TNS1: variants seen among roughly 807,000 people sequenced by gnomAD.
TNS1 encodes the protein tensin 1, also known as tensin-1.
Under a neutral mutation model 168.6 loss-of-function variants are expected in TNS1, and 62 were observed. The observed-to-expected ratio is 0.37, with a 90% CI of 0.30 to 0.45. TNS1 has a LOEUF of 0.45. Among genes scored for constraint, TNS1 ranks in the 20% least tolerant of loss-of-function variants. The pLI, the probability that TNS1 is intolerant of heterozygous loss-of-function variation, is 1.00. For synonymous variants in TNS1, 934 were observed against 933.2 expected (o/e 1.00, Z -0.02); for missense variants, 2,240 against 2,339.4 (o/e 0.96, Z 0.88).
chr2:217,876,280 C>G (rs1444078498), intron 18 of TNS1, among the ~76,000 whole-genome samples: 1 of 152,156 alleles, frequency 6.6e-6, no homozygotes, highest in Non-Finnish European at 1.5e-5. Context: ...TTGGAGCCTG[C>G]TTTATACAGC....
chr2:217,830,366 C>T (rs1944240950), intron 22 of TNS1: 2 of 1,614,050 alleles, frequency 1.2e-6, no homozygotes, highest in South Asian at 2.2e-5. Flanking sequence ...TGCCCACCTA[C>T]CTGGCTGGAT....
intron 3 of TNS1, among the ~76,000 whole-genome samples, chr2:217,929,900 C>T (rs937498780): frequency 6.6e-6 from 1 of 152,234 alleles, no homozygotes; most frequent in African/African-American, 2.4e-5. Context: ...CTGCCCTCCG[C>T]CTTGTCCCCT....
chr2:217,872,862 C>G (rs1949889236), intron 18 of TNS1, among the ~76,000 whole-genome samples: 1 of 152,118 alleles, frequency 6.6e-6, no homozygotes, highest in Non-Finnish European at 1.5e-5. Context: ...CATTCAGCAA[C>G]AAAAATGAAT....
intron 20 of TNS1, 57 bp downstream of exon 20, chr2:217,835,958 G>T (rs1201188532): frequency 6.7e-7 from 1 of 1,481,676 alleles, no homozygotes; most frequent in African/African-American, 1.4e-5. Flanking sequence ...GGTTTCTGGA[G>T]ATTTAAAGTG....
intron 3 of TNS1, among the ~76,000 whole-genome samples, chr2:217,964,330 A>G (rs1471232597): frequency 6.6e-6 from 1 of 152,228 alleles, no homozygotes; most frequent in Non-Finnish European, 1.5e-5. Context: ...TCAAGTCACA[A>G]AGAGGCTGTG....
intron 21 of TNS1, among the ~76,000 whole-genome samples, chr2:217,831,912 A>G (rs1005155993): frequency 1.3e-5 from 2 of 149,440 alleles, no homozygotes; most frequent in African/African-American, 5.0e-5. Flanking sequence ...TCTCTATAAT[A>G]CTCTCTCATC....
rs1035319737 is a variant in TNS1, at chr2:217,830,067, G to A, written c.3373+1388C>T. 1.4e-4 allele frequency: 121 copies of A among 850,678 alleles called. No individual in the cohort carries two copies. In the African/African-American group the frequency reaches 1.8e-3, roughly 13 times the overall value. 52.7% of individuals were successfully genotyped at this position (850,678 alleles called of 1,614,324 possible). ...TGGGGTGAGGCCAGGGCCGATTTGC[G>A]CTGTCCACAGAAGGACTCCAAGGGG... On this transcript the variant is annotated intron_variant, in intron 22 of 32. Coordinates refer to ENST00000682258, the MANE Select transcript of TNS1 (RefSeq NM_001387777.1).
chr2:217,962,197 G>A lies in TNS1; in HGVS notation c.186+16568C>T, dbSNP rs376518598. Among the ~76,000 whole-genome samples the A allele has an allele frequency of 2.4e-4, 37 of 152,314 alleles. No homozygotes were observed. In the East Asian group the frequency reaches 3.7e-3, roughly 15 times the overall value. The stretch of plus-strand genomic sequence containing the variant: ...GGTGACTCACGCCTATAATCCCAGC[G>A]CTTTGGGATGCCGAGGCGGGTGGAT... On this transcript the variant is annotated intron_variant, in intron 3 of 32. Transcript: ENST00000682258.
intron 2 of TNS1, among the ~76,000 whole-genome samples, chr2:217,984,040 A>G (rs1958126463): frequency 6.6e-6 from 1 of 152,144 alleles, no homozygotes. Flanking sequence ...TAATAAAGAA[A>G]ACCAACCTCC....
At chr2:217,906,291 C>G in intron 6 of TNS1, 44 bp downstream of exon 6, 2 of 686,490 alleles carry the variant, frequency 2.9e-6, no homozygotes, top group Non-Finnish European at 5.3e-6. Context: ...TCCCCCTGGC[C>G]ACCAGGGCCC....
chr2:217,932,985 G>A (rs141662606), intron 3 of TNS1, among the ~76,000 whole-genome samples: 242 of 152,272 alleles, frequency 1.6e-3, no homozygotes, highest in Non-Finnish European at 2.8e-3. Context: ...AGAAAGTCCC[G>A]AGGGCAGGAC....
intron 3 of TNS1, among the ~76,000 whole-genome samples, chr2:217,961,258 CACAG>C (rs1349649960): frequency 7.1e-6 from 1 of 139,938 alleles, no homozygotes; most frequent in African/African-American, 2.8e-5. Context: ...CACACACACA[CACAG>C]AGAGAGAGAG....
chr2:217,809,268 GATGGATGGATGC>G (rs1940003432), intron 30 of TNS1, among the ~76,000 whole-genome samples: 2 of 53,400 alleles, frequency 3.7e-5, no homozygotes, highest in Non-Finnish European at 7.6e-5. Flanking sequence ...TGGATGGATG[GATGGATGGATGC>G]ATGGATGGAT....
intron 2 of TNS1, among the ~76,000 whole-genome samples, chr2:217,990,488 ATGC>A (rs1958336071): frequency 6.6e-6 from 1 of 150,964 alleles, no homozygotes; most frequent in South Asian, 2.1e-4. Flanking sequence ...CGCCATCCAC[ATGC>A]CAGCCACATA....
chr2:217,902,292 A>G (rs1301650851), intron 6 of TNS1, among the ~76,000 whole-genome samples: 1 of 152,166 alleles, frequency 6.6e-6, no homozygotes, highest in African/African-American at 2.4e-5. Flanking sequence ...ACCCTGCTAT[A>G]AATAGCCCCT....
upstream of TNS1, among the ~76,000 whole-genome samples, chr2:218,007,791 C>T (rs985843226): frequency 3.9e-5 from 6 of 152,150 alleles, no homozygotes; most frequent in Non-Finnish European, 7.4e-5. Flanking sequence ...ACACCTCAGC[C>T]TCTGAGTCCC....
In TNS1 at chr2:217,948,066, C is replaced by T. The variant is rs893482562; in HGVS notation, c.187-27830G>A. Among the ~76,000 whole-genome samples, 1 of 152,212 alleles carries T rather than the reference C, an allele frequency of 6.6e-6. No homozygotes were observed. The highest frequency in any genetic ancestry group is 1.5e-5 in the Non-Finnish European group (1 of 68,040). ...CTCAAGCCCATGTCACCAGGTAACA[C>T]AACTAGGAATTCCAGGTCCCAGCAC... On this transcript the variant is annotated intron_variant, in intron 3 of 32. Coordinates refer to ENST00000682258, the MANE Select transcript of TNS1 (RefSeq NM_001387777.1). The surrounding 1 kb of genome is among the most constrained non-coding windows in gnomAD (Gnocchi z 4.1).
At chr2:217,997,533 G>A (rs1393501919) in intron 1 of TNS1, among the ~76,000 whole-genome samples, 1 of 152,192 alleles carries the variant, frequency 6.6e-6, no homozygotes, top group Non-Finnish European at 1.5e-5. Context: ...TCATGCGTCA[G>A]TGCAGGCTAA....
intron 18 of TNS1, among the ~76,000 whole-genome samples, chr2:217,874,541 T>C (rs1950052221): frequency 6.6e-6 from 1 of 152,216 alleles, no homozygotes; most frequent in Non-Finnish European, 1.5e-5. Context: ...AGCAAGTTGA[T>C]GTCAGAGGCA....
Sources: allele counts gnomAD v4.1 joint callset (sites outside exome capture counted in the v4.1 genomes callset), GRCh38; gene constraint gnomAD v4.1.1; non-coding constraint Gnocchi (gnomAD v3.1); transcripts MANE v1.5; gene names NCBI Gene and HGNC (gene_info 2026-07-23, HGNC 2026-07-21).